The following CPPED1 variants were observed in gnomAD, a reference collection of about 807,000 sequenced individuals.
CPPED1 encodes the protein calcineurin like phosphoesterase domain containing 1.
CPPED1 carries 28 observed loss-of-function variants against 28.0 expected under a neutral mutation model. The observed-to-expected ratio is 1.00, with a 90% confidence interval of 0.74 to 1.37. The LOEUF (loss-of-function observed/expected upper bound fraction) is 1.37, where lower values mean the gene tolerates loss of function less well. Among genes scored for constraint, CPPED1 ranks in the 40% most tolerant of loss-of-function variants. CPPED1 has a pLI of 0.00. For missense variants in CPPED1, 504 were observed against 416.5 expected (o/e 1.21, Z -1.83); for synonymous variants, 198 against 180.2 (o/e 1.10, Z -0.79).
intron 3 of CPPED1, among the ~76,000 whole-genome samples, chr16:12,675,292 T>C (rs1439424199): frequency 1.3e-5 from 2 of 152,226 alleles, no homozygotes; most frequent in African/African-American, 4.8e-5. Flanking sequence ...TATGTATAGA[T>C]TGTTTTTGAA....
intron 2 of CPPED1, among the ~76,000 whole-genome samples, chr16:12,754,362 G>A: frequency 6.6e-6 from 1 of 152,194 alleles, no homozygotes; most frequent in East Asian, 1.9e-4. Flanking sequence ...CTGTGGATCT[G>A]CTGTGGTGAA....
At chr16:12,751,002 CA>C (rs940081213) in intron 2 of CPPED1, among the ~76,000 whole-genome samples, 8 of 151,206 alleles carry the variant, frequency 5.3e-5, no homozygotes, top group South Asian at 4.2e-4. Context: ...ACAACAACAA[CA>C]AAAAAAACAG....
In CPPED1 at chr16:12,662,773, A is replaced by G. The variant is rs1343782820; in HGVS notation, c.*2113T>C. ...ATACATACCACATGTTCTTTATCCA[A>G]TCATCTGTTGATGTGATTCCCTTTT... is the stretch of plus-strand genomic sequence containing the variant. On this transcript the variant is annotated 3_prime_UTR_variant, in exon 4 of 4. Coordinates refer to ENST00000381774, the MANE Select transcript of CPPED1 (RefSeq NM_018340.3). 2 of 152,168 alleles carry G rather than the reference A, an allele frequency of 1.3e-5. No individual in the cohort carries two copies. The highest frequency in any genetic ancestry group is 2.9e-5 in the Non-Finnish European group (2 of 68,020). The allele number at this position is 152,168 out of a possible 1,614,324, so 9.4% of individuals were successfully genotyped here. A position where few individuals can be genotyped will look rare whatever the true frequency, so the allele number is the denominator to read the frequency against.
chr16:12,691,129 C>T (rs930386260), intron 3 of CPPED1, among the ~76,000 whole-genome samples: 8 of 152,232 alleles, frequency 5.3e-5, no homozygotes, highest in Non-Finnish European at 1.0e-4. Context: ...TAGTGTCACC[C>T]ACCACTTTGC....
chr16:12,665,226 A>G, intron 3 of CPPED1, 111 bp from the exon 4 acceptor site: 2 of 873,734 alleles, frequency 2.3e-6, no homozygotes, highest in South Asian at 2.2e-5. Flanking sequence ...TTATTATACC[A>G]TCATGTAGAA....
chr16:12,743,559 C>A (rs1047691637), intron 2 of CPPED1, among the ~76,000 whole-genome samples: 1 of 152,102 alleles, frequency 6.6e-6, no homozygotes. Context: ...GAAAAGATAG[C>A]AGCAACTGAT....
At chr16:12,710,315 A>G (rs962375500) in intron 2 of CPPED1, among the ~76,000 whole-genome samples, 1 of 152,210 alleles carries the variant, frequency 6.6e-6, no homozygotes, top group South Asian at 2.1e-4. Context: ...GAAGGACTCA[A>G]AATTAATTCC....
Position 12,663,914 on chromosome 16 carries a change from G to C in CPPED1, c.*972C>G, listed in dbSNP as rs2079810507. The stretch of plus-strand genomic sequence containing the variant: ...AAATAACCTATGCGCTTTTGTCAAG[G>C]GATTTTGCATTAGTGCATTTAGTCC... On this transcript the variant is annotated 3_prime_UTR_variant, in exon 4 of 4. Transcript: ENST00000381774. 1 of 152,196 alleles carries C rather than the reference G, an allele frequency of 6.6e-6. No individual in the cohort carries two copies. Among genetic ancestry groups the C allele is most frequent in the Non-Finnish European group, 1.5e-5 (1 of 68,028 alleles). The allele number at this position is 152,196 out of a possible 1,614,324, so 9.4% of individuals were successfully genotyped here. A position where few individuals can be genotyped will look rare whatever the true frequency, so the allele number is the denominator to read the frequency against.
chr16:12,708,219 CTT>C (rs1356349454), intron 2 of CPPED1, among the ~76,000 whole-genome samples: 7 of 152,136 alleles, frequency 4.6e-5, no homozygotes, highest in African/African-American at 1.7e-4. Context: ...TTTTCCAACA[CTT>C]TCTATACCTC....
intron 2 of CPPED1, among the ~76,000 whole-genome samples, chr16:12,713,303 G>A (rs1031369605): frequency 1.3e-5 from 2 of 152,160 alleles, no homozygotes; most frequent in African/African-American, 4.8e-5. Flanking sequence ...TTTGATATCT[G>A]AATGAAATAG....
At chr16:12,707,351 G>C (rs1380630410) in intron 2 of CPPED1, among the ~76,000 whole-genome samples, 2 of 152,160 alleles carry the variant, frequency 1.3e-5, no homozygotes, top group Non-Finnish European at 2.9e-5. Context: ...TCTCAGAGCT[G>C]TGTGTGCACC....
chr16:12,702,701 T>C (rs2080026798), intron 3 of CPPED1, among the ~76,000 whole-genome samples: 1 of 152,022 alleles, frequency 6.6e-6, no homozygotes. Context: ...CTTTACATCA[T>C]CTAACATTAG....
At chr16:12,683,298 C>A (rs1220041638) in intron 3 of CPPED1, among the ~76,000 whole-genome samples, 1 of 152,172 alleles carries the variant, frequency 6.6e-6, no homozygotes, top group Non-Finnish European at 1.5e-5. Context: ...GGCACTTCCT[C>A]CTCCAGTTAA....
rs769457327 is a variant in CPPED1 at position 12,663,520 on chromosome 16, C to T, written c.*1366G>A. 1 of 152,158 alleles carries T rather than the reference C, an allele frequency of 6.6e-6. No homozygotes were observed. The highest frequency in any genetic ancestry group is 1.5e-5 in the Non-Finnish European group (1 of 68,030). The allele number at this position is 152,158 out of a possible 1,614,324, so 9.4% of individuals were successfully genotyped here. On this transcript the variant is annotated 3_prime_UTR_variant, in exon 4 of 4. Coordinates refer to ENST00000381774, the MANE Select transcript of CPPED1 (RefSeq NM_018340.3). ...TAAAAAATTTAATTTTCTTGTGGCA[C>T]ATAACAATGAACTCTGGTGTCACCA...
intron 2 of CPPED1, among the ~76,000 whole-genome samples, chr16:12,740,247 A>T (rs986572379): frequency 6.6e-6 from 1 of 151,906 alleles, no homozygotes; most frequent in Non-Finnish European, 1.5e-5. Flanking sequence ...GGAGTTCAAC[A>T]CCAGCCTGGC....
At chr16:12,742,056 G>C (rs914609539) in intron 2 of CPPED1, among the ~76,000 whole-genome samples, 2 of 149,326 alleles carry the variant, frequency 1.3e-5, no homozygotes, top group Non-Finnish European at 3.0e-5. Context: ...ACAGAACAAG[G>C]CTCCGTTTCA....
chr16:12,743,399 T>C (rs1254543977), intron 2 of CPPED1, among the ~76,000 whole-genome samples: 1 of 152,142 alleles, frequency 6.6e-6, no homozygotes. Flanking sequence ...CAGTAGACTA[T>C]CTTTATGACC....
chr16:12,762,118 C>T (rs1316761238), intron 2 of CPPED1, among the ~76,000 whole-genome samples: 1 of 152,098 alleles, frequency 6.6e-6, no homozygotes, highest in African/African-American at 2.4e-5. Flanking sequence ...TAAACATATC[C>T]TCGGCTAATT....
intron 2 of CPPED1, among the ~76,000 whole-genome samples, chr16:12,726,101 G>C (rs2080168510): frequency 6.6e-6 from 1 of 151,866 alleles, no homozygotes. Context: ...GAGTGCAATG[G>C]CACAATCTTG....
Sources: gnomAD v4.1 joint callset for allele counts (sites outside exome capture counted in the v4.1 genomes callset) on GRCh38, gnomAD v4.1.1 for gene constraint, MANE v1.5 for transcripts, NCBI Gene and HGNC (gene_info 2026-07-23, HGNC 2026-07-21) for gene names.